Variants in STXBP3 observed in about 807,000 individuals in gnomAD.
STXBP3 encodes syntaxin-binding protein 3.
In STXBP3, 41 loss-of-function variants were observed where a neutral mutation model predicts 85.7. That is an observed-to-expected ratio of 0.48 (90% CI 0.37 to 0.62). STXBP3 has a LOEUF of 0.62. STXBP3 is among the 20% of genes least tolerant of loss of function. The pLI, the probability that STXBP3 is intolerant of heterozygous loss-of-function variation, is 0.00. For missense variants in STXBP3, 563 were observed against 703.1 expected (o/e 0.80, Z 2.25); for synonymous variants, 229 against 231.7 (o/e 0.99, Z 0.10).
chr1:108,790,900 A>AT (rs543885671), intron 11 of STXBP3, among the ~76,000 whole-genome samples: 3 of 151,838 alleles, frequency 2.0e-5, no homozygotes, highest in Non-Finnish European at 4.4e-5. Flanking sequence ...TCAAGATGTT[A>AT]TTTTTTTCAG....
At chr1:108,784,805 C>G (rs1448588756) in intron 11 of STXBP3, among the ~76,000 whole-genome samples, 3 of 152,180 alleles carry the variant, frequency 2.0e-5, no homozygotes, top group Non-Finnish European at 4.4e-5. Context: ...GGTAAATACA[C>G]CTGTTCCAAA....
rs59575550 is a variant in STXBP3, at chr1:108,775,920, AAC to A, written c.594-381_594-380del. On this transcript the variant is annotated intron_variant, in intron 7 of 18. Coordinates refer to ENST00000370008, the MANE Select transcript of STXBP3 (RefSeq NM_007269.4). The stretch of plus-strand genomic sequence containing the variant: ...TCAATGTCAATGTAGATAAATCTCA[AAC>A]ACACACACACACACACACACACACA... Among the ~76,000 whole-genome samples, 250 of 150,012 alleles carry A rather than the reference AAC, an allele frequency of 1.7e-3. 2 individuals carry two copies. The highest frequency in any genetic ancestry group is 0.017 in the East Asian group (82 of 4,968).
intron 9 of STXBP3, chr1:108,781,631 CAG>C (rs1461248937): frequency 3.3e-5 from 5 of 152,230 alleles, no homozygotes; most frequent in African/African-American, 1.2e-4. Context: ...AATAAAGAAA[CAG>C]ATGATAAATG....
intron 11 of STXBP3, among the ~76,000 whole-genome samples, chr1:108,787,802 T>C (rs1331447738): frequency 3.3e-5 from 5 of 152,226 alleles, no homozygotes; most frequent in African/African-American, 1.2e-4. Flanking sequence ...TTTTTCTTTT[T>C]TTTAAGAGAC....
chr1:108,756,454 T>C (rs1273692955), intron 3 of STXBP3, among the ~76,000 whole-genome samples: 1 of 152,162 alleles, frequency 6.6e-6, no homozygotes, highest in Non-Finnish European at 1.5e-5. Flanking sequence ...AAATGAATAA[T>C]TTCTTACATT....
chr1:108,786,509 A>G (rs958718558), intron 11 of STXBP3, among the ~76,000 whole-genome samples: 1 of 152,212 alleles, frequency 6.6e-6, no homozygotes, highest in African/African-American at 2.4e-5. Flanking sequence ...TTCGATATAC[A>G]TATCTGATTA....
At chr1:108,782,548 T>C (rs372439050) in intron 10 of STXBP3, 31 bp downstream of exon 10, 8 of 1,608,366 alleles carry the variant, frequency 5.0e-6, no homozygotes, top group African/African-American at 1.3e-5. Flanking sequence ...TTTTGTTCCA[T>C]AATTTTTAGA....
Position 108,772,677 on chromosome 1 carries a change from G to C in STXBP3, c.451G>C (p.Asp151His). 6.6e-7 allele frequency: 1 copy of C among 1,508,880 alleles called. No individual in the cohort carries two copies. Among genetic ancestry groups the C allele is most frequent in the Non-Finnish European group, 8.9e-7 (1 of 1,122,370 alleles). 93.5% of individuals were successfully genotyped at this position (1,508,880 alleles called of 1,614,324 possible). Residue 151 changes from aspartate to histidine, a missense_variant, in exon 7 of 19, where the codon GAT becomes CAT. Physicochemically the swap from Asp to His is moderately conservative, Grantham distance 81. Around this residue, in one of 3 missense-constraint regions of STXBP3, gnomAD observed 494 missense variants for 592.8 expected, o/e 0.83. Coordinates refer to ENST00000370008, the MANE Select transcript of STXBP3 (RefSeq NM_007269.4). ...IPHESQVYTLDVPDAFYYCYS... is the reference protein window; with the variant it reads ...IPHESQVYTLHVPDAFYYCYS... Reference sequence around the variant, plus strand: ...TGTCTTAACTTAGGTGTATACTCTTGATGTACCAGATGCATTCTATTACTG... The same window carrying C: ...TGTCTTAACTTAGGTGTATACTCTTCATGTACCAGATGCATTCTATTACTG...
intron 1 of STXBP3, 45 bp downstream of exon 1, chr1:108,746,831 C>G (rs926691341): frequency 1.3e-6 from 2 of 1,538,674 alleles, no homozygotes; most frequent in East Asian, 2.5e-5. Flanking sequence ...GGCCGGGAGG[C>G]TGCCGTGCCG....
chr1:108,771,443 T>TAG lies in STXBP3; in HGVS notation c.439-1221_439-1220insGA, dbSNP rs1491565675. 4.7e-4 allele frequency among the ~76,000 whole-genome samples: 11 copies of TAG among 23,602 alleles called. 2 individuals carry two copies. Among genetic ancestry groups the TAG allele is most frequent in the African/African-American group, 3.0e-3 (11 of 3,708 alleles). The allele number at this position is 23,602 out of a possible 152,430, so 15.5% of individuals were successfully genotyped here. ...TATATAAATATATATGATATATATC[T>TAG]ATATATATCATATATAAATATATAT... On this transcript the variant is annotated intron_variant, in intron 6 of 18. Coordinates refer to ENST00000370008, the MANE Select transcript of STXBP3 (RefSeq NM_007269.4).
intron 1 of STXBP3, among the ~76,000 whole-genome samples, chr1:108,749,821 A>G (rs1273330465): frequency 1.3e-5 from 2 of 152,196 alleles, no homozygotes; most frequent in African/African-American, 4.8e-5. Flanking sequence ...AGACAGTTCT[A>G]TCATTAGAAA....
chr1:108,763,525 T>C (rs1372889086), intron 6 of STXBP3, among the ~76,000 whole-genome samples: 4 of 152,068 alleles, frequency 2.6e-5, no homozygotes, highest in African/African-American at 9.7e-5. Context: ...GTAACTCTAA[T>C]AAGAGTCACT....
chr1:108,775,800 A>G (rs1052415904), intron 7 of STXBP3, among the ~76,000 whole-genome samples: 2 of 152,258 alleles, frequency 1.3e-5, no homozygotes, highest in Non-Finnish European at 2.9e-5. Flanking sequence ...AGAATGACTC[A>G]TATGTCCATC....
intron 17 of STXBP3, among the ~76,000 whole-genome samples, chr1:108,803,271 G>A (rs1451744394): frequency 5.9e-5 from 9 of 152,180 alleles, no homozygotes; most frequent in Non-Finnish European, 1.2e-4. Context: ...CCAACTGGAT[G>A]TAAACCATGC....
intron 6 of STXBP3, among the ~76,000 whole-genome samples, chr1:108,766,327 T>C (rs958690445): frequency 3.9e-5 from 6 of 152,158 alleles, no homozygotes; most frequent in African/African-American, 1.2e-4. Flanking sequence ...AAAGAAAATA[T>C]GTAAAATTTC....
intron 6 of STXBP3, chr1:108,767,506 C>A (rs6604123): frequency 0.71 from 129,331 of 181,160 alleles, 47,305 homozygotes; most frequent in Non-Finnish European, 0.78. Flanking sequence ...TCCAACATGC[C>A]TCTCCTGCTT....
chr1:108,777,326 A>G (rs1427148918), intron 8 of STXBP3, among the ~76,000 whole-genome samples: 1 of 152,162 alleles, frequency 6.6e-6, no homozygotes, highest in Non-Finnish European at 1.5e-5. Context: ...CTTTAGCTTG[A>G]AGAATGAAGT....
intron 7 of STXBP3, 21 bp downstream of exon 7, chr1:108,772,840 A>G: frequency 6.4e-7 from 1 of 1,562,050 alleles, no homozygotes; most frequent in Non-Finnish European, 8.7e-7. Flanking sequence ...GAGCATCTGC[A>G]CATGTTATGC....
At chr1:108,782,119 T>G (rs565551937) in intron 9 of STXBP3, 2 of 258,650 alleles carry the variant, frequency 7.7e-6, no homozygotes, top group East Asian at 8.3e-5. Flanking sequence ...TTGAGTCTTG[T>G]TCTTAAAGTT....
Sources: gnomAD v4.1 joint callset for allele counts (sites outside exome capture counted in the v4.1 genomes callset) on GRCh38, gnomAD v4.1.1 for gene constraint, gnomAD v4.1.1 regional missense constraint, MANE v1.5 for transcripts, NCBI Gene and HGNC (gene_info 2026-07-23, HGNC 2026-07-21) for gene names.